FAT1: variants seen among roughly 807,000 people sequenced by gnomAD.
FAT1 encodes FAT atypical cadherin 1.
A neutral mutation model predicts 329.8 loss-of-function variants in FAT1; 171 were observed. The observed-to-expected ratio is 0.52, with a 90% CI of 0.46 to 0.59. The LOEUF is 0.59. Ranked by LOEUF, FAT1 falls within the 20% of genes least tolerant of loss-of-function variation. The pLI is 0.00. For missense variants in FAT1, 5,672 were observed against 5,774.4 expected, an observed-to-expected ratio of 0.98 and a Z score of 0.57; for synonymous variants, 2,233 against 2,228.6, an observed-to-expected ratio of 1.00 and a Z score of -0.06.
intron 2 of FAT1, among the ~76,000 whole-genome samples, chr4:186,669,202 GC>G (rs1341625715): frequency 1.3e-5 from 2 of 152,090 alleles, no homozygotes; most frequent in African/African-American, 4.8e-5. Context: ...AGGTGCCTGC[GC>G]CCAGGCTGTG....
At chr4:186,662,193 TAG>T (rs1210315493) in intron 3 of FAT1, among the ~76,000 whole-genome samples, 32 of 151,428 alleles carry the variant, frequency 2.1e-4, no homozygotes, top group Non-Finnish European at 8.9e-5. Flanking sequence ...GGACCGCCAC[TAG>T]AGAGGCATAC....
rs1217859309 is a variant in FAT1, at chr4:186,621,392, T to C, written c.5194A>G (p.Ile1732Val). 2 of 1,614,020 alleles carry C rather than the reference T, an allele frequency of 1.2e-6. No individual in the cohort carries two copies. The change falls in exon 10 of 27, where the codon ATT becomes GTT. Residue 1732 changes from isoleucine (I) to valine (V), a missense_variant. This residue lies in a region of FAT1 where 3,966 missense variants were observed against 3,915.2 expected (regional missense o/e 1.01). Transcript: ENST00000441802. ...GTTCCTTGTATTATCAATGTGTAAATGGGCAAAGTTTCAAAGTCCAGGGCT... is the reference window on the plus strand; with the variant it reads ...GTTCCTTGTATTATCAATGTGTAAACGGGCAAAGTTTCAAAGTCCAGGGCT... ...QKALDFETLP[I>V]YTLIIQGTNM... is the part of the protein sequence containing the mutation.
In FAT1 at chr4:186,618,312, C is replaced by T. The variant is rs374236368; in HGVS notation, c.8274G>A (p.Gly2758=). Residue 2758 remains glycine, a synonymous_variant, in exon 10 of 27, where the codon GGG becomes GGA. Transcript: ENST00000441802. ...DESFVIDRQS[G]RLKLEKSLDH... The stretch of plus-strand genomic sequence containing the variant: ...CAAGACTCTTCTCCAACTTCAGTCT[C>T]CCGCTCTGTCTGTCAATCACAAAGG... 3 of 1,613,926 alleles carry T rather than the reference C, an allele frequency of 1.9e-6. No homozygotes were observed. In the African/African-American group the frequency reaches 4.0e-5, roughly 22 times the overall value.
chr4:186,699,222 G>A (rs1458273925), intron 2 of FAT1, among the ~76,000 whole-genome samples: 1 of 151,920 alleles, frequency 6.6e-6, no homozygotes, highest in Non-Finnish European at 1.5e-5. Context: ...TCACAAACCA[G>A]AAAGCAGTCT....
chr4:186,599,746 T>C (rs1738705417), intron 22 of FAT1, among the ~76,000 whole-genome samples, 152 bp downstream of exon 22: 3 of 152,170 alleles, frequency 2.0e-5, no homozygotes, highest in Admixed American at 2.0e-4. Flanking sequence ...TCTGCCCCCG[T>C]ATGAGGGATG....
At chr4:186,657,274 A>G (rs1188580521) in intron 3 of FAT1, among the ~76,000 whole-genome samples, 2 of 152,216 alleles carry the variant, frequency 1.3e-5, no homozygotes, top group Non-Finnish European at 2.9e-5. Flanking sequence ...TATAATATTA[A>G]TCTATCTATA....
intron 2 of FAT1, among the ~76,000 whole-genome samples, chr4:186,669,028 G>A (rs965886626): frequency 7.9e-5 from 12 of 152,122 alleles, no homozygotes; most frequent in African/African-American, 2.9e-4. Flanking sequence ...AGTTTTTACA[G>A]GTATCTTTCT....
rs1742282611 is a variant in FAT1, at chr4:186,663,533, C to A, written c.3346G>T (p.Val1116Phe). 3 of 1,613,486 alleles carry A rather than the reference C, an allele frequency of 1.9e-6. No individual in the cohort carries two copies. The East Asian group carries it at 6.7e-5, about 36-fold the overall frequency. The change falls in exon 3 of 27, where the codon GTC (valine) becomes TTC (phenylalanine). Residue 1116 changes from valine to phenylalanine, a missense_variant. Around this residue, in one of 2 missense-constraint regions of FAT1, gnomAD observed 3,966 missense variants for 3,915.2 expected, o/e 1.01. Transcript: ENST00000441802. ...TCTATGAACGATGAAAGAGGCACGA[C>A]ACCCTGATCGGTTGCAAAGACTGTT... ...WLTVFATDQG[V>F]VPLSSFIEIY...
Position 186,618,657 on chromosome 4 carries a change from T to C in FAT1, c.7929A>G (p.Lys2643=). 3 of 1,614,048 alleles carry C rather than the reference T, an allele frequency of 1.9e-6. No individual in the cohort carries two copies. Among genetic ancestry groups the C allele is most frequent in the Non-Finnish European group, 2.5e-6 (3 of 1,179,890 alleles). The part of the protein sequence containing the change: ...YAIEADSESV[K]ENLEINKLSG... ...ACAGTTTGTTAATTTCCAAATTCTC[T>C]TTTACACTTTCAGAGTCTGCTTCAA... is the stretch of plus-strand genomic sequence containing the variant. Residue 2643 remains lysine, a synonymous_variant, in exon 10 of 27, where the codon AAA becomes AAG. Transcript: ENST00000441802.
upstream of FAT1, among the ~76,000 whole-genome samples, chr4:186,724,447 C>T (rs945666182): frequency 6.6e-6 from 1 of 152,162 alleles, no homozygotes; most frequent in African/African-American, 2.4e-5. This position sits in a 1 kb window ranked among gnomAD's most constrained non-coding sequence, Gnocchi z 5.3. Context: ...GACCCCAGGC[C>T]CTCCCCGCCG....
chr4:186,595,427 A>C (rs1738452911), intron 26 of FAT1, among the ~76,000 whole-genome samples: 1 of 152,156 alleles, frequency 6.6e-6, no homozygotes. Flanking sequence ...AAAAAAGCCA[A>C]TATAAGATTA....
At chr4:186,612,343 G>A (rs1018510971) in intron 13 of FAT1, among the ~76,000 whole-genome samples, 1 of 152,084 alleles carries the variant, frequency 6.6e-6, no homozygotes, top group African/African-American at 2.4e-5. Flanking sequence ...TTATCATTGA[G>A]CTTTGGTGAC....
At chr4:186,638,152 A>C (rs1740920954) in intron 4 of FAT1, among the ~76,000 whole-genome samples, 1 of 152,314 alleles carries the variant, frequency 6.6e-6, no homozygotes, top group Non-Finnish European at 1.5e-5. Flanking sequence ...CTGGCTCTCA[A>C]ATATACCACC....
chr4:186,628,389 A>G lies in FAT1; in HGVS notation c.4600-25T>C, dbSNP rs7665112. 1.0e-3 allele frequency: 1,617 copies of G among 1,610,692 alleles called. 10 individuals carry two copies. The African/African-American group carries it at 0.02, about 20-fold the overall frequency. On this transcript the variant is annotated intron_variant, in intron 8 of 26. Coordinates refer to ENST00000441802, the MANE Select transcript of FAT1 (RefSeq NM_005245.4). ...CCTAAAAAGAATTGACACATTATCA[A>G]TCCCATTGGTGCTTTCCTTATAACT...
chr4:186,641,828 G>A (rs537214489), intron 3 of FAT1, among the ~76,000 whole-genome samples: 11 of 151,988 alleles, frequency 7.2e-5, no homozygotes, highest in South Asian at 6.3e-4. Flanking sequence ...CCAACATGGC[G>A]AAACCCTGTC....
At chr4:186,612,022 G>A (rs1292264393) in intron 13 of FAT1, among the ~76,000 whole-genome samples, 2 of 151,076 alleles carry the variant, frequency 1.3e-5, no homozygotes, top group African/African-American at 4.9e-5. Flanking sequence ...TGTTGGCCAG[G>A]CTGGTCTTGA....
At position 186,707,434 on chromosome 4, in the gene FAT1, C is replaced by T. The variant is rs749030268; in HGVS notation, c.2394G>A (p.Gly798=). 1.9e-6 allele frequency: 3 copies of T among 1,614,010 alleles called. No homozygotes were observed. Among genetic ancestry groups the T allele is most frequent in the Middle Eastern group, 1.6e-4 (1 of 6,062 alleles). The change falls in exon 2 of 27, where the codon GGG becomes GGA. Residue 798 remains glycine (G), a synonymous_variant. Coordinates refer to ENST00000441802, the MANE Select transcript of FAT1 (RefSeq NM_005245.4). ...GACGCCACGCAGCCTTCTGGGGTAT[C>T]CCAAGGTCATAGACGGTAATATTCA... ...YTLNITVYDL[G]IPQKAAWRLL... is the part of the protein sequence containing the mutation.
chr4:186,629,956 TTAAAAATTACTTTTCCCATG>T (rs1740512374), intron 7 of FAT1, among the ~76,000 whole-genome samples: 1 of 152,218 alleles, frequency 6.6e-6, no homozygotes. Flanking sequence ...CACTATAAAT[TTAAAAATTACTTTTCCCATG>T]TAGTGGGTAC....
At chr4:186,669,810 T>C (rs557407614) in intron 2 of FAT1, among the ~76,000 whole-genome samples, 2 of 152,210 alleles carry the variant, frequency 1.3e-5, no homozygotes, top group Non-Finnish European at 2.9e-5. Context: ...ATACTGACGT[T>C]GTCTTTCCAC....
Sources: allele counts gnomAD v4.1 joint callset (sites outside exome capture counted in the v4.1 genomes callset), GRCh38; gene constraint gnomAD v4.1.1; regional missense constraint gnomAD v4.1.1; non-coding constraint Gnocchi (gnomAD v3.1); transcripts MANE v1.5; gene names NCBI Gene and HGNC (gene_info 2026-07-23, HGNC 2026-07-21).